Variants in PTPN14 observed in about 807,000 individuals in gnomAD.
PTPN14 encodes tyrosine-protein phosphatase non-receptor type 14.
A neutral mutation model predicts 126.8 loss-of-function variants in PTPN14; 53 were observed. That is an observed-to-expected ratio of 0.42 (90% CI 0.34 to 0.53). The LOEUF is 0.53. PTPN14 is among the 20% of genes least tolerant of loss of function. PTPN14 has a pLI of 0.08. For missense variants in PTPN14, 1,257 were observed against 1,552.9 expected (o/e 0.81, Z 3.20); for synonymous variants, 630 against 599.3 (o/e 1.05, Z -0.75).
intron 18 of PTPN14, among the ~76,000 whole-genome samples, chr1:214,359,155 G>A (rs976271445): frequency 2.0e-5 from 3 of 151,974 alleles, no homozygotes; most frequent in African/African-American, 4.8e-5. Context: ...AAATGTCAAA[G>A]CGCCATCTCT....
At chr1:214,390,197 A>G (rs1312977110) in intron 11 of PTPN14, among the ~76,000 whole-genome samples, 1 of 152,262 alleles carries the variant, frequency 6.6e-6, no homozygotes, top group Non-Finnish European at 1.5e-5. Context: ...GTGTAAAAAA[A>G]TCATGACCTA....
intron 3 of PTPN14, among the ~76,000 whole-genome samples, chr1:214,444,343 CAGG>C (rs1485920872): frequency 6.6e-6 from 1 of 152,122 alleles, no homozygotes; most frequent in East Asian, 1.9e-4. Context: ...TGGAGCTGGC[CAGG>C]AGGAGAATTT....
rs1660280035 is a variant in PTPN14 at position 214,451,912 on chromosome 1, C to T, written c.237G>A (p.Glu79=). 6.2e-7 allele frequency: 1 copy of T among 1,614,228 alleles called. No homozygotes were observed. The highest frequency in any genetic ancestry group is 1.3e-5 in the African/African-American group (1 of 75,058). The change falls in exon 3 of 19, where the codon GAG becomes GAA. Residue 79 remains glutamate, a synonymous_variant. Coordinates refer to ENST00000366956, the MANE Select transcript of PTPN14 (RefSeq NM_005401.5). ...TGTCCAGATGTTTCTTCAGAGGTTT[C>T]TCCAGCTCCACCCATCGTGCTTGCT... The part of the protein sequence containing the change: ...KSQQARWVEL[E]KPLKKHLDKF...
intron 5 of PTPN14, among the ~76,000 whole-genome samples, chr1:214,407,956 A>G (rs888292629): frequency 6.6e-6 from 1 of 152,150 alleles, no homozygotes; most frequent in African/African-American, 2.4e-5. Context: ...CAAACCAGCC[A>G]GTGGATGCTT....
chr1:214,441,956 A>T (rs1660044689), intron 3 of PTPN14, among the ~76,000 whole-genome samples: 1 of 152,248 alleles, frequency 6.6e-6, no homozygotes, highest in African/African-American at 2.4e-5. Context: ...ATTTGGAATC[A>T]ATGAATGAAT....
At chr1:214,501,251 T>A (rs982325069) in intron 1 of PTPN14, among the ~76,000 whole-genome samples, 2 of 152,184 alleles carry the variant, frequency 1.3e-5, no homozygotes, top group African/African-American at 4.8e-5. Context: ...AAGTATTCTT[T>A]TTTTTTGGAG....
At chr1:214,482,939 A>C in intron 1 of PTPN14, 1 of 1,605,794 alleles carries the variant, frequency 6.2e-7, no homozygotes, top group South Asian at 1.1e-5. Flanking sequence ...AGCCACCCTC[A>C]GATTTTTCCA....
Position 214,376,251 on chromosome 1 carries a change from T to C in PTPN14, c.2875A>G (p.Asn959Asp). ...RVELIPTKENNTGYINASHIK... is the reference protein window; with the variant it reads ...RVELIPTKENDTGYINASHIK... The stretch of plus-strand genomic sequence containing the variant: ...TGGGAGGCATTAATGTATCCTGTGT[T>C]ATTTTCTTTGGTTGGTATCAGCTCT... Residue 959 changes from asparagine to aspartate, a missense_variant, in exon 15 of 19, where the codon AAC becomes GAC. By Grantham distance (23) the Asn-to-Asp change is conservative. This residue lies in a region of PTPN14 where 65 missense variants were observed against 139.7 expected (regional missense o/e 0.47). Coordinates refer to ENST00000366956, the MANE Select transcript of PTPN14 (RefSeq NM_005401.5). 2 of 1,614,208 alleles carry C rather than the reference T, an allele frequency of 1.2e-6. No individual in the cohort carries two copies. The highest frequency in any genetic ancestry group is 1.7e-6 in the Non-Finnish European group (2 of 1,180,024).
chr1:214,491,879 C>A (rs1661258457), intron 1 of PTPN14, among the ~76,000 whole-genome samples: 1 of 152,084 alleles, frequency 6.6e-6, no homozygotes, highest in African/African-American at 2.4e-5. Context: ...TCTTTTCTAT[C>A]CTCCCCCTCA....
At chr1:214,420,466 A>G (rs185398593) in intron 3 of PTPN14, among the ~76,000 whole-genome samples, 18 of 152,218 alleles carry the variant, frequency 1.2e-4, no homozygotes, top group Admixed American at 1.2e-3. Context: ...AAAGGATAAT[A>G]TTTGTTTAAA....
intron 1 of PTPN14, among the ~76,000 whole-genome samples, chr1:214,507,705 T>A (rs1305229244): frequency 6.6e-6 from 1 of 152,208 alleles, no homozygotes; most frequent in Non-Finnish European, 1.5e-5. Context: ...ACCACTGCGA[T>A]AAAACGAATC....
rs1479586758 is a variant in PTPN14 at position 214,537,190 on chromosome 1, CAA to C, written c.-155+13991_-155+13992del. Reference sequence around the variant, plus strand: ...TAACTTGAGCTCATTCCTGGAACATCAATGGTTTTTACTATATTCCCTAGTTT... The same window carrying C: ...TAACTTGAGCTCATTCCTGGAACATCTGGTTTTTACTATATTCCCTAGTTT... On this transcript the variant is annotated intron_variant, in intron 1 of 18. Transcript: ENST00000366956. Among the ~76,000 whole-genome samples, 5 of 152,166 alleles carry C rather than the reference CAA, an allele frequency of 3.3e-5. No homozygotes were observed. In the East Asian group the frequency reaches 9.6e-4, roughly 29 times the overall value.
rs147152070 is a variant in PTPN14 at position 214,353,312 on chromosome 1, T to C, written c.*4610A>G. ...CTCTAGATTATTTACAATACCTAAC[T>C]CAATGCCTACACATCACTTCATTTG... On this transcript the variant is annotated 3_prime_UTR_variant, in exon 19 of 19. Coordinates refer to ENST00000366956, the MANE Select transcript of PTPN14 (RefSeq NM_005401.5). The C allele has an allele frequency of 7.2e-5, 11 of 152,188 alleles. No individual in the cohort carries two copies. In the East Asian group the frequency reaches 2.1e-3, roughly 29 times the overall value. 9.4% of individuals were successfully genotyped at this position (152,188 alleles called of 1,614,324 possible). A position where few individuals can be genotyped will look rare whatever the true frequency, so the allele number is the denominator to read the frequency against.
intron 2 of PTPN14, among the ~76,000 whole-genome samples, chr1:214,459,684 G>A (rs1660465471): frequency 6.6e-6 from 1 of 150,922 alleles, no homozygotes; most frequent in African/African-American, 2.4e-5. Flanking sequence ...GGCCAGGATG[G>A]ACTCGATCTC....
chr1:214,377,670 G>T (rs1658374269), intron 14 of PTPN14, among the ~76,000 whole-genome samples: 1 of 152,154 alleles, frequency 6.6e-6, no homozygotes, highest in Non-Finnish European at 1.5e-5. Flanking sequence ...CAGGAAGTGG[G>T]CCCAAAGAAA....
intron 2 of PTPN14, among the ~76,000 whole-genome samples, chr1:214,460,979 G>A (rs1660497577): frequency 6.6e-6 from 1 of 151,958 alleles, no homozygotes; most frequent in South Asian, 2.1e-4. Context: ...TGTCAATGTA[G>A]GTTCAATAAT....
intron 3 of PTPN14, among the ~76,000 whole-genome samples, chr1:214,433,951 CAA>C (rs1158472144): frequency 0.061 from 6,027 of 98,510 alleles, 218 homozygotes; most frequent in Middle Eastern, 0.11. Context: ...CACACACACA[CAA>C]AAAAAAAAAA....
rs755837066 is a variant in PTPN14 at position 214,392,204 on chromosome 1, G to C, written c.930-1159C>G. Among the ~76,000 whole-genome samples the C allele has an allele frequency of 3.4e-4, 52 of 152,088 alleles. 1 individual carries two copies. The highest frequency in any genetic ancestry group is 2.9e-4 in the Non-Finnish European group (20 of 68,006). On this transcript the variant is annotated intron_variant, in intron 10 of 18. Transcript: ENST00000366956. ...TGGGGGAGAGAGAGAAAGAGAGAGA[G>C]AGAGCGAGAGAGAGTATAATTTTGA...
intron 1 of PTPN14, among the ~76,000 whole-genome samples, chr1:214,535,778 C>CA (rs10689118): frequency 0.34 from 44,105 of 130,210 alleles, 8,552 homozygotes; most frequent in African/African-American, 0.58. Context: ...GACTCCATCT[C>CA]AAAAAAAAAA....
Sources: gnomAD v4.1 joint callset for allele counts (sites outside exome capture counted in the v4.1 genomes callset) on GRCh38, gnomAD v4.1.1 for gene constraint, gnomAD v4.1.1 regional missense constraint, MANE v1.5 for transcripts, NCBI Gene and HGNC (gene_info 2026-07-23, HGNC 2026-07-21) for gene names.